The following PKP2 variants were observed in gnomAD, a reference collection of about 807,000 sequenced individuals.
PKP2 encodes plakophilin 2, also known as plakophilin-2.
PKP2 carries 73 observed loss-of-function variants against 83.4 expected under a neutral mutation model. That is an observed-to-expected ratio of 0.88 (90% CI 0.72 to 1.06). The LOEUF (loss-of-function observed/expected upper bound fraction) is 1.06. Ranked by LOEUF, PKP2 falls within the 50% of genes least tolerant of loss-of-function variation. The probability of loss-of-function intolerance (pLI) is 0.00; values close to 1 mark genes in which losing one functional copy is unlikely to be tolerated. For missense variants in PKP2, 966 were observed against 1,065.4 expected (o/e 0.91, Z 1.30); for synonymous variants, 409 against 430.4 (o/e 0.95, Z 0.62).
intron 1 of PKP2, among the ~76,000 whole-genome samples, chr12:32,887,027 T>A (rs1565602226): frequency 6.6e-6 from 1 of 151,274 alleles, no homozygotes; most frequent in African/African-American, 2.4e-5. Flanking sequence ...AAGGGAACAC[T>A]ATGGTGAAAA....
At chr12:32,879,867 G>A (rs1227739112) in intron 1 of PKP2, among the ~76,000 whole-genome samples, 1 of 150,088 alleles carries the variant, frequency 6.7e-6, no homozygotes, top group African/African-American at 2.4e-5. Context: ...AATGAAAGTT[G>A]AATTTAAAAA....
At chr12:32,819,896 CCCA>C (rs1956361067) in intron 9 of PKP2, among the ~76,000 whole-genome samples, 1 of 127,900 alleles carries the variant, frequency 7.8e-6, no homozygotes, top group Admixed American at 7.9e-5. Context: ...CCCCCCCCCC[CCCA>C]TTTAATTTTC....
intron 9 of PKP2, among the ~76,000 whole-genome samples, chr12:32,808,485 A>G (rs1429347031): frequency 6.6e-6 from 1 of 152,116 alleles, no homozygotes; most frequent in East Asian, 1.9e-4. Flanking sequence ...CCTTTATCTC[A>G]GCGAAGTTTG....
chr12:32,831,572 C>T (rs1039370157), intron 6 of PKP2, among the ~76,000 whole-genome samples: 1 of 151,556 alleles, frequency 6.6e-6, no homozygotes, highest in Admixed American at 6.6e-5. Flanking sequence ...AAAGAGTCCA[C>T]TTGATATAAT....
In PKP2 at chr12:32,832,394, A is replaced by C. The variant is rs532036119; in HGVS notation, c.1557-8232T>G. ...TCTGTCTCAAAAAAAGAAAAAAAAA[A>C]AATTTACAAAGTAATTTAATTAATT... On this transcript the variant is annotated intron_variant, in intron 6 of 12. Coordinates refer to ENST00000340811, the MANE Select transcript of PKP2 (RefSeq NM_001005242.3). Among the ~76,000 whole-genome samples, 7 of 152,286 alleles carry C rather than the reference A, an allele frequency of 4.6e-5. No homozygotes were observed. The South Asian group carries it at 1.2e-3, about 27-fold the overall frequency.
At chr12:32,877,161 C>T (rs965809807) in intron 3 of PKP2, among the ~76,000 whole-genome samples, 1 of 152,172 alleles carries the variant, frequency 6.6e-6, no homozygotes, top group African/African-American at 2.4e-5. Context: ...ATTTCTCAAT[C>T]TTTCTCTTAG....
chr12:32,800,288 G>T (rs980578755), intron 10 of PKP2, among the ~76,000 whole-genome samples: 2 of 152,158 alleles, frequency 1.3e-5, no homozygotes, highest in Non-Finnish European at 2.9e-5. Flanking sequence ...TGAGGCTGTG[G>T]GTTCCTTGAA....
chr12:32,884,507 A>G (rs1415890321), intron 1 of PKP2, among the ~76,000 whole-genome samples: 1 of 152,184 alleles, frequency 6.6e-6, no homozygotes, highest in Non-Finnish European at 1.5e-5. Flanking sequence ...TTCATTTCTG[A>G]AGACTCCCAT....
At chr12:32,799,751 A>C (rs145921984) in intron 10 of PKP2, among the ~76,000 whole-genome samples, 1,848 of 152,294 alleles carry the variant, frequency 0.012, 10 homozygotes, top group South Asian at 0.043. Flanking sequence ...CAAAGGAACA[A>C]GAGTTATATA....
intron 9 of PKP2, among the ~76,000 whole-genome samples, chr12:32,809,459 CACT>C (rs895726491): frequency 6.6e-6 from 1 of 152,190 alleles, no homozygotes; most frequent in African/African-American, 2.4e-5. Flanking sequence ...CAGGCAGACT[CACT>C]GTGTTGCCAT....
At position 32,858,096 on chromosome 12, in the gene PKP2, T is replaced by A. The variant is rs1187201079; in HGVS notation, c.1171-7123A>T. On this transcript the variant is annotated intron_variant, in intron 4 of 12. Coordinates refer to ENST00000340811, the MANE Select transcript of PKP2 (RefSeq NM_001005242.3). ...AAAAAAAAAAAAAAATATATATATATATATATATATATATATATATTTATA... is the reference window on the plus strand; with the variant it reads ...AAAAAAAAAAAAAAATATATATATAAATATATATATATATATATATTTATA... 3.6e-3 allele frequency among the ~76,000 whole-genome samples: 307 copies of A among 84,272 alleles called. 2 individuals carry two copies. Among genetic ancestry groups the A allele is most frequent in the Middle Eastern group, 6.3e-3 (1 of 160 alleles). 55.3% of individuals were successfully genotyped at this position (84,272 alleles called of 152,430 possible).
chr12:32,837,774 G>T (rs185929761), intron 6 of PKP2, among the ~76,000 whole-genome samples: 1 of 152,308 alleles, frequency 6.6e-6, no homozygotes, highest in African/African-American at 2.4e-5. Context: ...TACAGGAAGA[G>T]ATTTGTAACT....
At chr12:32,849,624 A>G (rs1297072590) in intron 5 of PKP2, among the ~76,000 whole-genome samples, 1 of 152,164 alleles carries the variant, frequency 6.6e-6, no homozygotes, top group African/African-American at 2.4e-5. Context: ...CTTCTCTTTT[A>G]TCATACGACT....
chr12:32,843,457 C>T (rs1956619138), intron 5 of PKP2: 1 of 567,158 alleles, frequency 1.8e-6, no homozygotes, highest in Non-Finnish European at 3.3e-6. Context: ...GGTAATTACT[C>T]AGCATACTTA....
At chr12:32,863,335 C>T (rs756651249) in intron 4 of PKP2, 19 of 260,240 alleles carry the variant, frequency 7.3e-5, no homozygotes, top group Non-Finnish European at 1.4e-4. Flanking sequence ...AACTTGGGCG[C>T]ATGAACACAG....
intron 10 of PKP2, among the ~76,000 whole-genome samples, chr12:32,798,275 G>A (rs1379980792): frequency 6.6e-6 from 1 of 150,988 alleles, no homozygotes; most frequent in African/African-American, 2.4e-5. Context: ...TTTTTTTTCA[G>A]TAGAGATGGG....
chr12:32,815,273 A>T (rs544351998), intron 9 of PKP2, among the ~76,000 whole-genome samples: 1 of 152,286 alleles, frequency 6.6e-6, no homozygotes, highest in East Asian at 1.9e-4. Flanking sequence ...CTTCCGAATG[A>T]TGTTCAAACA....
chr12:32,814,791 G>A (rs1179007993), intron 9 of PKP2, among the ~76,000 whole-genome samples: 16 of 152,044 alleles, frequency 1.1e-4, no homozygotes, highest in Admixed American at 1.0e-3. Context: ...TGAGCATGGT[G>A]GTTGGCGCCT....
chr12:32,857,437 AAAAAG>A (rs1268059137), intron 4 of PKP2, among the ~76,000 whole-genome samples: 1 of 152,036 alleles, frequency 6.6e-6, no homozygotes, highest in East Asian at 1.9e-4. Flanking sequence ...AAAAAAAAGA[AAAAAG>A]AGAGAGAGAG....
Sources: allele counts gnomAD v4.1 joint callset (sites outside exome capture counted in the v4.1 genomes callset), GRCh38; gene constraint gnomAD v4.1.1; transcripts MANE v1.5; gene names NCBI Gene and HGNC (gene_info 2026-07-23, HGNC 2026-07-21).